The following DBX2 variants were observed in gnomAD, a reference collection of about 807,000 sequenced individuals.
DBX2 encodes developing brain homeobox 2.
Under a neutral mutation model 17.7 loss-of-function variants are expected in DBX2, and 16 were observed. The ratio of observed to expected loss-of-function variants is 0.90; its 90% CI spans 0.61 to 1.37. The LOEUF (loss-of-function observed/expected upper bound fraction) is 1.37, where lower values mean the gene tolerates loss of function less well. Among genes scored for constraint, DBX2 ranks in the 40% most tolerant of loss-of-function variants. The pLI, the probability that DBX2 is intolerant of heterozygous loss-of-function variation, is 0.00. For synonymous variants in DBX2, 255 were observed against 183.8 expected, an observed-to-expected ratio of 1.39 and a Z score of -3.13; for missense variants, 538 against 433.8, an observed-to-expected ratio of 1.24 and a Z score of -2.13.
rs763088359 is a variant in DBX2, at chr12:45,016,417, C to G, written c.889G>C (p.Glu297Gln). Reference sequence around the variant, plus strand: ...TCCTGGATTAGTCTTTCTGAAGGTTCTGGAGAATTCTCCCTCCATCTTGGA... The same window carrying G: ...TCCTGGATTAGTCTTTCTGAAGGTTGTGGAGAATTCTCCCTCCATCTTGGA... ...SSPRWRENSP[E>Q]PSERLIQESS... Residue 297 changes from glutamate (E) to glutamine (Q), a missense_variant, in exon 4 of 4, where the codon GAA becomes CAA. By Grantham distance (29) the Glu-to-Gln change is conservative. Transcript: ENST00000332700. 10 of 1,614,004 alleles carry G rather than the reference C, an allele frequency of 6.2e-6. No homozygotes were observed. The highest frequency in any genetic ancestry group is 5.9e-6 in the Non-Finnish European group (7 of 1,179,968).
intron 1 of DBX2, among the ~76,000 whole-genome samples, 192 bp downstream of exon 1, chr12:45,050,333 C>G (rs1328080578): frequency 6.6e-6 from 1 of 152,234 alleles, no homozygotes; most frequent in Non-Finnish European, 1.5e-5. Context: ...AAAAGAATCA[C>G]AGAAAGTGGT....
chr12:45,019,549 G>A (rs1040114600), intron 3 of DBX2, among the ~76,000 whole-genome samples: 2 of 152,010 alleles, frequency 1.3e-5, no homozygotes, highest in African/African-American at 4.8e-5. Flanking sequence ...TATTTGGAAA[G>A]GAATTTTTAA....
intron 1 of DBX2, among the ~76,000 whole-genome samples, chr12:45,047,442 GT>G (rs1438785015): frequency 6.6e-6 from 1 of 151,960 alleles, no homozygotes; most frequent in Non-Finnish European, 1.5e-5. Context: ...GATTTTTAGA[GT>G]TTTAAAACTA....
chr12:45,045,744 G>C (rs1946496070), intron 1 of DBX2, among the ~76,000 whole-genome samples: 1 of 152,128 alleles, frequency 6.6e-6, no homozygotes, highest in Non-Finnish European at 1.5e-5. Flanking sequence ...TTTTTAGACA[G>C]AGTCTCGCTC....
chr12:45,024,206 T>C (rs1055621835), intron 2 of DBX2, among the ~76,000 whole-genome samples: 4 of 152,178 alleles, frequency 2.6e-5, no homozygotes, highest in African/African-American at 9.7e-5. Flanking sequence ...TTTTCCCCAC[T>C]TTGCTCTGCA....
Position 45,036,129 on chromosome 12 carries a change from T to A in DBX2, c.404-15A>T, listed in dbSNP as rs376901737. ...TTTGGAAGGTGCTGCAGAGAAAGCA[T>A]TGATCTCATTGATTAGCCATTTCTT... On this transcript the variant is annotated splice_polypyrimidine_tract_variant and intron_variant, in intron 1 of 3. Transcript: ENST00000332700. The A allele has an allele frequency of 1.3e-6, 2 of 1,586,116 alleles. No individual in the cohort carries two copies. The highest frequency in any genetic ancestry group is 2.3e-5 in the South Asian group (2 of 86,230).
In DBX2 at chr12:45,015,787, G is replaced by A. The variant is rs1239872389; in HGVS notation, c.*499C>T. The A allele has an allele frequency of 6.6e-6, 1 of 152,138 alleles. No individual in the cohort carries two copies. Among genetic ancestry groups the A allele is most frequent in the African/African-American group, 2.4e-5 (1 of 41,436 alleles). 9.4% of individuals were successfully genotyped at this position (152,138 alleles called of 1,614,324 possible). ...TACAGCTGGATACCAAAAGAAGTCA[G>A]AAAATAGAGAATTTTTAAAAACATG... is the stretch of plus-strand genomic sequence containing the variant. On this transcript the variant is annotated 3_prime_UTR_variant, in exon 4 of 4. Transcript: ENST00000332700.
At position 45,023,673 on chromosome 12, in the gene DBX2, C is replaced by T. The variant is rs781703304; in HGVS notation, c.687+34G>A. On this transcript the variant is annotated intron_variant, in intron 3 of 3. Transcript: ENST00000332700. The stretch of plus-strand genomic sequence containing the variant: ...GATTTCATCTGATCTCAGAAGAAAT[C>T]AGAGGCAGTAGACATCTTCCTGCTT... 3.1e-6 allele frequency: 5 copies of T among 1,611,988 alleles called. No individual in the cohort carries two copies. In the African/African-American group the frequency reaches 6.7e-5, roughly 22 times the overall value.
At chr12:45,029,638 G>A (rs1946398232) in intron 2 of DBX2, among the ~76,000 whole-genome samples, 1 of 152,120 alleles carries the variant, frequency 6.6e-6, no homozygotes, top group Non-Finnish European at 1.5e-5. Flanking sequence ...GCGGAGGTGG[G>A]CAGATTGCCT....
intron 2 of DBX2, among the ~76,000 whole-genome samples, chr12:45,032,507 T>C (rs777723947): frequency 8.7e-4 from 133 of 152,284 alleles, no homozygotes; most frequent in South Asian, 1.4e-3. Flanking sequence ...TCTTTGACCA[T>C]GAAACTCACA....
Position 45,051,056 on chromosome 12 carries a change from CA to C in DBX2, c.-130del. The stretch of plus-strand genomic sequence containing the variant: ...CAGGGCTGGAGCGCGCGGAGCCAGG[CA>C]GGGAGGAAAGGCCACCCGGGACGGC... On this transcript the variant is annotated 5_prime_UTR_variant, in exon 1 of 4. Transcript: ENST00000332700. The C allele has an allele frequency of 2.5e-6, 3 of 1,198,284 alleles. No homozygotes were observed. The highest frequency in any genetic ancestry group is 3.2e-6 in the Non-Finnish European group (3 of 946,192). The allele number at this position is 1,198,284 out of a possible 1,614,324, so 74.2% of individuals were successfully genotyped here. A position where few individuals can be genotyped will look rare whatever the true frequency, so the allele number is the denominator to read the frequency against.
intron 2 of DBX2, among the ~76,000 whole-genome samples, chr12:45,032,913 A>G (rs1405448488): frequency 5.3e-5 from 8 of 152,196 alleles, no homozygotes; most frequent in Non-Finnish European, 1.0e-4. Context: ...AATTTCCACA[A>G]CTTTCCATTT....
At chr12:45,045,628 T>C (rs1946495537) in intron 1 of DBX2, among the ~76,000 whole-genome samples, 1 of 152,226 alleles carries the variant, frequency 6.6e-6, no homozygotes, top group South Asian at 2.1e-4. Context: ...TCATGGAGTC[T>C]AAGCACAGCT....
At chr12:45,024,307 G>T in intron 2 of DBX2, among the ~76,000 whole-genome samples, 1 of 152,286 alleles carries the variant, frequency 6.6e-6, no homozygotes, top group East Asian at 1.9e-4. Context: ...AGGCCTCCCA[G>T]CCATGCTGAA....
intron 1 of DBX2, among the ~76,000 whole-genome samples, chr12:45,044,129 G>A (rs1946486658): frequency 6.6e-6 from 1 of 152,180 alleles, no homozygotes; most frequent in African/African-American, 2.4e-5. Context: ...TGCTTTGTGA[G>A]CTACACAGTC....
intron 2 of DBX2, among the ~76,000 whole-genome samples, chr12:45,033,876 A>C (rs1162484396): frequency 1.3e-5 from 2 of 152,318 alleles, no homozygotes; most frequent in Middle Eastern, 3.4e-3. Flanking sequence ...TATAATTTAC[A>C]AGAATTATGC....
intron 1 of DBX2, among the ~76,000 whole-genome samples, chr12:45,047,208 C>T (rs181848082): frequency 6.6e-6 from 1 of 152,090 alleles, no homozygotes; most frequent in Admixed American, 6.6e-5. Context: ...ATATTTTAAT[C>T]AGGCATAATA....
At chr12:45,034,935 T>C (rs1346680856) in intron 2 of DBX2, among the ~76,000 whole-genome samples, 4 of 152,164 alleles carry the variant, frequency 2.6e-5, no homozygotes, top group Non-Finnish European at 4.4e-5. Context: ...CGCGTGTGGA[T>C]GAGTCGAGTG....
chr12:45,029,877 T>A (rs553146307), intron 2 of DBX2, among the ~76,000 whole-genome samples: 10 of 59,738 alleles, frequency 1.7e-4, no homozygotes, highest in African/African-American at 2.8e-4. Flanking sequence ...AAAAAAATAA[T>A]AAAAATAAAT....
Sources: gnomAD v4.1 joint callset for allele counts (sites outside exome capture counted in the v4.1 genomes callset) on GRCh38, gnomAD v4.1.1 for gene constraint, MANE v1.5 for transcripts, NCBI Gene and HGNC (gene_info 2026-07-23, HGNC 2026-07-21) for gene names.